PCDHGA11: variants seen among roughly 807,000 people sequenced by gnomAD.
The protein encoded by PCDHGA11 is protocadherin gamma-A11.
Under a neutral mutation model 60.4 loss-of-function variants are expected in PCDHGA11, and 39 were observed. That is an observed-to-expected ratio of 0.65 (90% CI 0.50 to 0.84). The LOEUF (loss-of-function observed/expected upper bound fraction) is 0.84. PCDHGA11 is among the 40% of genes least tolerant of loss of function. PCDHGA11 has a pLI of 0.00. For missense variants in PCDHGA11, 1,165 were observed against 1,197.7 expected, an observed-to-expected ratio of 0.97 and a Z score of 0.40; for synonymous variants, 533 against 510.3, an observed-to-expected ratio of 1.04 and a Z score of -0.60.
rs1019775470 is a variant in PCDHGA11 at position 141,422,100 on chromosome 5, A to G, written c.873A>G (p.Glu291=). 1.2e-6 allele frequency: 2 copies of G among 1,609,786 alleles called. No individual in the cohort carries two copies. Among genetic ancestry groups the G allele is most frequent in the Non-Finnish European group, 1.7e-6 (2 of 1,178,746 alleles). ...SFRNMESKAS[E]IFQLDSQTGE... ...GGAACATGGAAAGCAAGGCTTCTGA[A>G]ATATTCCAATTGGATTCACAAACTG... is the stretch of plus-strand genomic sequence containing the variant. The change falls in exon 1 of 4, where the codon GAA becomes GAG. Residue 291 remains glutamate (E), a synonymous_variant. Coordinates refer to ENST00000398587, the MANE Select transcript of PCDHGA11 (RefSeq NM_018914.3).
rs774682943 is a variant in PCDHGA11 at position 141,493,841 on chromosome 5, T to G, written c.2434-966T>G. Among the ~76,000 whole-genome samples the G allele has an allele frequency of 3.3e-5, 5 of 152,024 alleles. No homozygotes were observed. Among genetic ancestry groups the G allele is most frequent in the Non-Finnish European group, 7.4e-5 (5 of 68,010 alleles). On this transcript the variant is annotated intron_variant, in intron 1 of 3. Transcript: ENST00000398587. This position sits in a 1 kb window ranked among gnomAD's most constrained non-coding sequence, Gnocchi z 4.3. The stretch of plus-strand genomic sequence containing the variant: ...CTCTGCTTCTGGGAGCAAGTATGAG[T>G]ATTAATTACCAGCCCACCCCAGAAC...
intron 1 of PCDHGA11, among the ~76,000 whole-genome samples, chr5:141,450,829 A>ATTATTT (rs1554136902): frequency 7.4e-6 from 1 of 135,144 alleles, no homozygotes; most frequent in Admixed American, 7.6e-5. Context: ...TATTATTATT[A>ATTATTT]TTTTTTTTTT....
At position 141,476,105 on chromosome 5, in the gene PCDHGA11, C is replaced by T; in HGVS notation, c.2434-18702C>T. ...ATCTGGACCCCGCTGAGAGGAACTG[C>T]TTTTGAGTGAGATGGTCCCAGAGGC... On this transcript the variant is annotated intron_variant, in intron 1 of 3. Coordinates refer to ENST00000398587, the MANE Select transcript of PCDHGA11 (RefSeq NM_018914.3). This position sits in a 1 kb window ranked among gnomAD's most constrained non-coding sequence, Gnocchi z 7.6. 2.5e-6 allele frequency: 4 copies of T among 1,585,450 alleles called. No homozygotes were observed. The highest frequency in any genetic ancestry group is 3.4e-6 in the Non-Finnish European group (4 of 1,168,874).
rs2099068970 is a variant in PCDHGA11 at position 141,463,759 on chromosome 5, T to C, written c.2434-31048T>C. 2.0e-5 allele frequency among the ~76,000 whole-genome samples: 3 copies of C among 152,234 alleles called. No homozygotes were observed. The South Asian group carries it at 6.2e-4, about 32-fold the overall frequency. ...CCGCGCCCGGCCTGCTTCTCTTCTCTTATGGGTTAGAATCCTGCACTGTCT... is the reference window on the plus strand; with the variant it reads ...CCGCGCCCGGCCTGCTTCTCTTCTCCTATGGGTTAGAATCCTGCACTGTCT... On this transcript the variant is annotated intron_variant, in intron 1 of 3. Transcript: ENST00000398587.
chr5:141,498,251 C>A (rs1277949209), intron 2 of PCDHGA11, among the ~76,000 whole-genome samples: 1 of 152,178 alleles, frequency 6.6e-6, no homozygotes, highest in African/African-American at 2.4e-5. Flanking sequence ...CAAAGCAGGG[C>A]TGGTGTTGAG....
Position 141,432,830 on chromosome 5 carries a change from C to G in PCDHGA11, c.2433+9170C>G, listed in dbSNP as rs780093171. On this transcript the variant is annotated intron_variant, in intron 1 of 3. Coordinates refer to ENST00000398587, the MANE Select transcript of PCDHGA11 (RefSeq NM_018914.3). The surrounding 1 kb of genome is among the most constrained non-coding windows in gnomAD (Gnocchi z 6.0). ...TAACTCTGAAACCTCAGACCTCACT[C>G]TGTACCTGGTGGTAGCGGTGGCCGC... 4 of 1,614,208 alleles carry G rather than the reference C, an allele frequency of 2.5e-6. No individual in the cohort carries two copies. The highest frequency in any genetic ancestry group is 2.2e-5 in the East Asian group (1 of 44,874).
rs1426305491 is a variant in PCDHGA11 at position 141,489,758 on chromosome 5, G to A, written c.2434-5049G>A. 1 of 1,614,084 alleles carries A rather than the reference G, an allele frequency of 6.2e-7. No homozygotes were observed. The highest frequency in any genetic ancestry group is 1.7e-5 in the Admixed American group (1 of 60,020). On this transcript the variant is annotated intron_variant, in intron 1 of 3. Coordinates refer to ENST00000398587, the MANE Select transcript of PCDHGA11 (RefSeq NM_018914.3). The surrounding 1 kb of genome is among the most constrained non-coding windows in gnomAD (Gnocchi z 4.5). ...AATACTGTGAGCTTTTACACTCTAAGCCCCAACAGCCACTTCTCTCTGAAT... is the reference window on the plus strand; with the variant it reads ...AATACTGTGAGCTTTTACACTCTAAACCCCAACAGCCACTTCTCTCTGAAT...
intron 1 of PCDHGA11, chr5:141,426,420 C>T (rs2096934904): frequency 3.5e-6 from 1 of 287,972 alleles, no homozygotes; most frequent in Non-Finnish European, 6.9e-6. Flanking sequence ...TCCAGGGCTC[C>T]GTGGTGGGGA....
At chr5:141,445,282 T>G (rs1023693067) in intron 1 of PCDHGA11, among the ~76,000 whole-genome samples, 4 of 152,220 alleles carry the variant, frequency 2.6e-5, no homozygotes, top group Non-Finnish European at 5.9e-5. Context: ...TCTGCATAAG[T>G]TCAGGCTTCC....
At chr5:141,433,395 C>CTATA (rs1426636882) in intron 1 of PCDHGA11, among the ~76,000 whole-genome samples, 2 of 150,654 alleles carry the variant, frequency 1.3e-5, no homozygotes, top group African/African-American at 4.9e-5. Context: ...ATCTATCTAT[C>CTATA]TATCTATCTA....
chr5:141,494,925 G>T (rs936071950), intron 2 of PCDHGA11, 60 bp downstream of exon 2: 1 of 1,613,316 alleles, frequency 6.2e-7, no homozygotes. Flanking sequence ...GGGATGACGT[G>T]GGAGGAGATG....
intron 1 of PCDHGA11, chr5:141,427,916 G>T: frequency 1.3e-6 from 2 of 1,578,854 alleles, no homozygotes; most frequent in East Asian, 2.2e-5. Flanking sequence ...GCGCCAACAT[G>T]AGCCGGCGCA....
chr5:141,438,581 TAC>T (rs2097976954), intron 1 of PCDHGA11, among the ~76,000 whole-genome samples: 6 of 49,834 alleles, frequency 1.2e-4, no homozygotes, highest in African/African-American at 7.2e-4. Flanking sequence ...TATACATACA[TAC>T]ATACATACAT....
chr5:141,422,111 T>A lies in PCDHGA11; in HGVS notation c.884T>A (p.Leu295Ter), dbSNP rs763658255. The A allele has an allele frequency of 6.2e-7, 1 of 1,606,408 alleles. No individual in the cohort carries two copies. Among genetic ancestry groups the A allele is most frequent in the Admixed American group, 1.7e-5 (1 of 57,866 alleles). Residue 295 changes from leucine to a stop codon, truncating the protein, a stop_gained, in exon 1 of 4, where the codon TTG (leucine) becomes TAG (stop). Transcript: ENST00000398587. LOFTEE classifies it high-confidence loss of function. ...MESKASEIFQ[L>*]DSQTGEVQVR... ...AGCAAGGCTTCTGAAATATTCCAAT[T>A]GGATTCACAAACTGGAGAAGTTCAA...
chr5:141,445,134 A>G lies in PCDHGA11; in HGVS notation c.2433+21474A>G, dbSNP rs900226020. ...TTGTAAATAGTATTTTTAAAATTGT[A>G]TCTTCTAATTGTTCATTTCTAGTTT... On this transcript the variant is annotated intron_variant, in intron 1 of 3. Transcript: ENST00000398587. Among the ~76,000 whole-genome samples, 174 of 152,316 alleles carry G rather than the reference A, an allele frequency of 1.1e-3. 4 individuals carry two copies. The highest frequency in any genetic ancestry group is 5.3e-4 in the Non-Finnish European group (36 of 68,016).
Position 141,421,141 on chromosome 5 carries a change from G to A in PCDHGA11, c.-87G>A, listed in dbSNP as rs7732160. On this transcript the variant is annotated 5_prime_UTR_variant, in exon 1 of 4. The change abolishes an upstream ATG in the 5' untranslated region. Coordinates refer to ENST00000398587, the MANE Select transcript of PCDHGA11 (RefSeq NM_018914.3). ...CTTCGCTTTCTGATATATTTTGGAT[G>A]TAGTCGGCCTAGGACTTCATAGATA... 0.053 allele frequency: 49,996 copies of A among 938,386 alleles called. 1,680 individuals carry two copies. The highest frequency in any genetic ancestry group is 0.14 in the African/African-American group (8,181 of 60,320). 58.1% of individuals were successfully genotyped at this position (938,386 alleles called of 1,614,324 possible).
chr5:141,441,764 C>A, intron 1 of PCDHGA11: 1 of 384,482 alleles, frequency 2.6e-6, no homozygotes, highest in South Asian at 2.1e-5. Flanking sequence ...TGAGCCTGCG[C>A]GTGTTGGTGG....
At position 141,423,313 on chromosome 5, in the gene PCDHGA11, G is replaced by T. The variant is rs1407028245; in HGVS notation, c.2086G>T (p.Val696Leu). 2 of 1,614,184 alleles carry T rather than the reference G, an allele frequency of 1.2e-6. No homozygotes were observed. The highest frequency in any genetic ancestry group is 1.7e-6 in the Non-Finnish European group (2 of 1,180,018). The change falls in exon 1 of 4, where the codon GTG becomes TTG. Residue 696 changes from valine to leucine, a missense_variant. Transcript: ENST00000398587. ...CTCAGACCTCTCGCTGTACTTGGTG[G>T]TGGCGGTGGCCGCAGTCTCCTGCAT... ...ETSDLSLYLV[V>L]AVAAVSCIFL...
chr5:141,422,976 G>A lies in PCDHGA11; in HGVS notation c.1749G>A (p.Ala583=), dbSNP rs558006468. Residue 583 remains alanine, a synonymous_variant, in exon 1 of 4, where the codon GCG becomes GCA. Transcript: ENST00000398587. ...STGVELAPRS[A]EPGYLVTKVV... The stretch of plus-strand genomic sequence containing the variant: ...GCGTGGAGCTGGCGCCCCGCTCTGC[G>A]GAACCTGGCTACCTGGTGACCAAGG... 27 of 1,614,212 alleles carry A rather than the reference G, an allele frequency of 1.7e-5. No homozygotes were observed. In the East Asian group the frequency reaches 4.7e-4, roughly 28 times the overall value.
Sources: allele counts gnomAD v4.1 joint callset (sites outside exome capture counted in the v4.1 genomes callset), GRCh38; gene constraint gnomAD v4.1.1; non-coding constraint Gnocchi (gnomAD v3.1); transcripts MANE v1.5; gene names NCBI Gene and HGNC (gene_info 2026-07-23, HGNC 2026-07-21).